The following KMT2C variants were observed in gnomAD, a reference collection of about 807,000 sequenced individuals.
The protein encoded by KMT2C is lysine methyltransferase 2C.
A neutral mutation model predicts 507.9 loss-of-function variants in KMT2C; 88 were observed. The ratio of observed to expected loss-of-function variants is 0.17; its 90% CI spans 0.15 to 0.21. The LOEUF (loss-of-function observed/expected upper bound fraction) is 0.21, where lower values mean the gene tolerates loss of function less well. KMT2C is among the 10% of genes least tolerant of loss of function. The probability of loss-of-function intolerance (pLI) is 1.00; values close to 1 mark genes in which losing one functional copy is unlikely to be tolerated. For missense variants in KMT2C, 4,954 were observed against 5,957.8 expected (o/e 0.83, Z 5.55); for synonymous variants, 2,049 against 2,080.8 (o/e 0.98, Z 0.42).
intron 3 of KMT2C, among the ~76,000 whole-genome samples, chr7:152,327,957 CAAAAAAAAA>C (rs371396057): frequency 2.5e-5 from 2 of 78,700 alleles, no homozygotes; most frequent in African/African-American, 5.0e-5. Flanking sequence ...GACTCCGCCT[CAAAAAAAAA>C]AAAAAAAAAG....
chr7:152,187,618 A>G (rs1051068318), intron 32 of KMT2C, 97 bp downstream of exon 32: 3 of 1,468,494 alleles, frequency 2.0e-6, no homozygotes, highest in Non-Finnish European at 2.8e-6. Flanking sequence ...CGCAACATAC[A>G]ATAATATCAT....
At chr7:152,275,393 A>G (rs2096063732) in intron 6 of KMT2C, among the ~76,000 whole-genome samples, 1 of 152,148 alleles carries the variant, frequency 6.6e-6, no homozygotes, top group Admixed American at 6.5e-5. Context: ...AAATACAAAA[A>G]ATTAGCCAGA....
At position 152,322,226 on chromosome 7, in the gene KMT2C, G is replaced by C. The variant is rs116461634; in HGVS notation, c.390-6888C>G. Among the ~76,000 whole-genome samples the C allele has an allele frequency of 1.3e-3, 197 of 151,884 alleles. 2 individuals are homozygous for C. The highest frequency in any genetic ancestry group is 4.6e-3 in the African/African-American group (190 of 41,510). ...AAAAATACGAAAATAAGCCAGGGGT[G>C]GTAGTGAACACCTGTAGTCCCAGGT... On this transcript the variant is annotated intron_variant, in intron 3 of 58. Coordinates refer to ENST00000262189, the MANE Select transcript of KMT2C (RefSeq NM_170606.3).
At chr7:152,259,450 A>ACACGCGCGCGCG (rs1239524212) in intron 9 of KMT2C, among the ~76,000 whole-genome samples, 1 of 91,126 alleles carries the variant, frequency 1.1e-5, no homozygotes, top group African/African-American at 4.9e-5. Context: ...ACACGCGCAC[A>ACACGCGCGCGCG]CACACACACA....
chr7:152,351,963 C>G (rs1309662272), intron 2 of KMT2C, among the ~76,000 whole-genome samples: 1 of 151,938 alleles, frequency 6.6e-6, no homozygotes, highest in East Asian at 1.9e-4. Context: ...AACAGGATAA[C>G]AGCAATGTTC....
At chr7:152,187,897 G>T in intron 31 of KMT2C, 50 bp from the exon 32 acceptor site, 1 of 1,593,524 alleles carries the variant, frequency 6.3e-7, no homozygotes, top group Non-Finnish European at 8.6e-7. Context: ...AAGTAACAAG[G>T]AGTTGAAGTA....
At chr7:152,156,389 A>T (rs761191540) in intron 44 of KMT2C, 43 bp from the exon 45 acceptor site, 11 of 1,606,264 alleles carry the variant, frequency 6.8e-6, no homozygotes, top group Non-Finnish European at 8.5e-6. Context: ...TACTGAGCGA[A>T]TATGCAATGA....
chr7:152,163,727 C>T lies in KMT2C; in HGVS notation c.9850G>A (p.Val3284Ile), dbSNP rs747457358. ...AMAPPTMMPS[V>I]QPQPPLIPGA... Reference sequence around the variant, plus strand: ...GGAATTAGGGGTGGCTGGGGCTGGACACTGGGCATCATGGTAGGTGGGGCC... The same window carrying T: ...GGAATTAGGGGTGGCTGGGGCTGGATACTGGGCATCATGGTAGGTGGGGCC... Residue 3284 changes from valine (V) to isoleucine (I), a missense_variant, in exon 43 of 59, where the codon GTC becomes ATC. Transcript: ENST00000262189. 6.2e-7 allele frequency: 1 copy of T among 1,614,134 alleles called. No homozygotes were observed. The highest frequency in any genetic ancestry group is 1.1e-5 in the South Asian group (1 of 91,072).
intron 14 of KMT2C, among the ~76,000 whole-genome samples, chr7:152,242,432 T>A (rs924076118): frequency 6.6e-6 from 1 of 152,166 alleles, no homozygotes; most frequent in African/African-American, 2.4e-5. Context: ...GCCTCCTTAA[T>A]CTACAAACTG....
chr7:152,348,100 G>A (rs2097077012), intron 2 of KMT2C, among the ~76,000 whole-genome samples: 1 of 152,008 alleles, frequency 6.6e-6, no homozygotes, highest in African/African-American at 2.4e-5. Context: ...TAGATGAAAT[G>A]GACCAATTAC....
chr7:152,270,630 T>C lies in KMT2C; in HGVS notation c.1012+3075A>G, dbSNP rs10259607. Among the ~76,000 whole-genome samples the C allele has an allele frequency of 9.4e-3, 1,431 of 152,268 alleles. 26 individuals carry two copies. Among genetic ancestry groups the C allele is most frequent in the African/African-American group, 0.033 (1,376 of 41,552 alleles). Reference sequence around the variant, plus strand: ...CCTCAAGGTCTGTGTAGTGGTCTGTTCCCTCTCCCTGGAATGTTCTTTCCT... The same window carrying C: ...CCTCAAGGTCTGTGTAGTGGTCTGTCCCCTCTCCCTGGAATGTTCTTTCCT... On this transcript the variant is annotated intron_variant, in intron 7 of 58. Transcript: ENST00000262189.
chr7:152,223,778 G>A (rs1366342981), intron 20 of KMT2C, among the ~76,000 whole-genome samples: 1 of 152,042 alleles, frequency 6.6e-6, no homozygotes, highest in Admixed American at 6.6e-5. Flanking sequence ...CCAGCCTGGT[G>A]ACAGAGCAAG....
chr7:152,222,854 C>G (rs1198302132), intron 20 of KMT2C, among the ~76,000 whole-genome samples, 172 bp from the exon 21 acceptor site: 1 of 152,110 alleles, frequency 6.6e-6, no homozygotes, highest in African/African-American at 2.4e-5. Context: ...AACTTTCATA[C>G]AGCTAAGAAG....
At chr7:152,137,169 A>G in intron 58 of KMT2C, 1 of 439,958 alleles carries the variant, frequency 2.3e-6, no homozygotes, top group Non-Finnish European at 4.1e-6. Context: ...TGACCAGAGA[A>G]AGCTGTATTT....
chr7:152,193,027 T>G (rs2093850651), intron 31 of KMT2C, among the ~76,000 whole-genome samples: 1 of 151,898 alleles, frequency 6.6e-6, no homozygotes, highest in Admixed American at 6.6e-5. Context: ...ATCAAAAAAT[T>G]AGCCAGGCAT....
intron 1 of KMT2C, among the ~76,000 whole-genome samples, chr7:152,427,607 G>A (rs1025755149): frequency 1.3e-5 from 2 of 152,114 alleles, no homozygotes; most frequent in Non-Finnish European, 2.9e-5. Flanking sequence ...TGAGCATCTT[G>A]TATGTATATG....
At chr7:152,173,480 A>T (rs1332932970) in intron 39 of KMT2C, among the ~76,000 whole-genome samples, 1 of 152,210 alleles carries the variant, frequency 6.6e-6, no homozygotes, top group Non-Finnish European at 1.5e-5. Context: ...TCTGCATTTT[A>T]AAAAAATTAC....
At chr7:152,264,941 A>C (rs1361455787) in intron 8 of KMT2C, 97 bp downstream of exon 8, 5 of 1,410,238 alleles carry the variant, frequency 3.5e-6, no homozygotes. Flanking sequence ...TAGCTAAAAT[A>C]TGAACAACCT....
chr7:152,432,339 A>G (rs1279514209), intron 1 of KMT2C, among the ~76,000 whole-genome samples: 1 of 152,200 alleles, frequency 6.6e-6, no homozygotes, highest in Non-Finnish European at 1.5e-5. Context: ...GATGGAAAAA[A>G]TAAGAAAAAA....
Sources: allele counts gnomAD v4.1 joint callset (sites outside exome capture counted in the v4.1 genomes callset), GRCh38; gene constraint gnomAD v4.1.1; transcripts MANE v1.5; gene names NCBI Gene and HGNC (gene_info 2026-07-23, HGNC 2026-07-21).